NCKAP5: variants seen among roughly 807,000 people sequenced by gnomAD.
NCKAP5 encodes the protein NCK associated protein 5.
In NCKAP5, 92 loss-of-function variants were observed where a neutral mutation model predicts 167.0. The observed-to-expected ratio is 0.55, with a 90% CI of 0.47 to 0.66. NCKAP5 has a LOEUF of 0.66. Among genes scored for constraint, NCKAP5 ranks in the 30% least tolerant of loss-of-function variants. The pLI is 0.00. For synonymous variants in NCKAP5, 891 were observed against 877.4 expected (o/e 1.02, Z -0.27); for missense variants, 2,378 against 2,315.0 (o/e 1.03, Z -0.56).
At chr2:133,194,981 T>C (rs1193136877) in intron 5 of NCKAP5, among the ~76,000 whole-genome samples, 1 of 152,000 alleles carries the variant, frequency 6.6e-6, no homozygotes, top group Admixed American at 6.6e-5. Flanking sequence ...TCTAATGTAA[T>C]TACATGTCGG....
intron 8 of NCKAP5, among the ~76,000 whole-genome samples, chr2:132,953,652 CAGAG>C (rs141227824): frequency 5.5e-5 from 8 of 145,248 alleles, no homozygotes; most frequent in East Asian, 4.0e-4. Flanking sequence ...GACAGGCAGA[CAGAG>C]AGAGAGAGAG....
intron 4 of NCKAP5, among the ~76,000 whole-genome samples, chr2:133,214,018 A>G (rs2086321770): frequency 6.6e-6 from 1 of 152,232 alleles, no homozygotes; most frequent in African/African-American, 2.4e-5. Context: ...AATGGTGAGT[A>G]GATGCTTTGC....
chr2:133,388,888 C>T lies in NCKAP5; in HGVS notation c.70-85778G>A, dbSNP rs111903723. 3.4e-3 allele frequency among the ~76,000 whole-genome samples: 519 copies of T among 152,312 alleles called. 4 individuals carry two copies. The highest frequency in any genetic ancestry group is 0.025 in the East Asian group (128 of 5,176). On this transcript the variant is annotated intron_variant, in intron 3 of 19. Coordinates refer to ENST00000409261, the MANE Select transcript of NCKAP5 (RefSeq NM_207363.3). ...CTGTTTGCTAAGACCATTGGAAACA[C>T]GCAGTATTAGGGTGGGAGTGACCTG...
At chr2:133,221,403 T>G (rs2086659079) in intron 4 of NCKAP5, among the ~76,000 whole-genome samples, 1 of 152,244 alleles carries the variant, frequency 6.6e-6, no homozygotes. Context: ...TGGTTTTTAT[T>G]AATTCAGAAT....
the NCKAP5 span, among the ~76,000 whole-genome samples, chr2:133,640,776 G>T: frequency 1.3e-5 from 2 of 152,156 alleles, no homozygotes; most frequent in Non-Finnish European, 2.9e-5. Context: ...ATCTCTTAAA[G>T]AATTACTGTG....
the NCKAP5 span, among the ~76,000 whole-genome samples, chr2:133,642,462 C>A: frequency 2.0e-5 from 3 of 152,180 alleles, no homozygotes; most frequent in Non-Finnish European, 2.9e-5. Flanking sequence ...GCAGTCTCTA[C>A]CTGTTTTTCT....
chr2:133,040,096 T>C (rs1461418533), intron 6 of NCKAP5, among the ~76,000 whole-genome samples: 1 of 152,084 alleles, frequency 6.6e-6, no homozygotes, highest in African/African-American at 2.4e-5. Flanking sequence ...TAAACTCCTT[T>C]ATTCATTCAG....
rs985765943 is a variant in NCKAP5 at position 132,861,396 on chromosome 2, T to C, written c.688-785A>G. Reference sequence around the variant, plus strand: ...ACTTAAATATCTATGCCCTTTTTGATGGAATTCAAGGCAGACGCAGTAGAA... The same window carrying C: ...ACTTAAATATCTATGCCCTTTTTGACGGAATTCAAGGCAGACGCAGTAGAA... On this transcript the variant is annotated intron_variant, in intron 10 of 19. Transcript: ENST00000409261. 2.6e-5 allele frequency among the ~76,000 whole-genome samples: 4 copies of C among 152,102 alleles called. No individual in the cohort carries two copies. In the East Asian group the frequency reaches 5.8e-4, roughly 22 times the overall value.
chr2:133,550,710 C>A (rs1239460065), intron 2 of NCKAP5, among the ~76,000 whole-genome samples: 1 of 127,712 alleles, frequency 7.8e-6, no homozygotes, highest in Non-Finnish European at 1.6e-5. Context: ...CCCTCTCTCA[C>A]CACTCCTATT....
rs531455111 is a variant in NCKAP5 at position 133,295,674 on chromosome 2, G to C, written c.143+7363C>G. Among the ~76,000 whole-genome samples, 6 of 152,234 alleles carry C rather than the reference G, an allele frequency of 3.9e-5. No individual in the cohort carries two copies. In the East Asian group the frequency reaches 1.2e-3, roughly 29 times the overall value. Reference sequence around the variant, plus strand: ...GAGACATTTTTGTTGTCACAACTGAGGGATACTACTGGCAGGTGGTGTGAA... The same window carrying C: ...GAGACATTTTTGTTGTCACAACTGACGGATACTACTGGCAGGTGGTGTGAA... On this transcript the variant is annotated intron_variant, in intron 4 of 19. Transcript: ENST00000409261.
At chr2:133,398,855 G>C (rs1323071700) in intron 3 of NCKAP5, among the ~76,000 whole-genome samples, 1 of 152,112 alleles carries the variant, frequency 6.6e-6, no homozygotes, top group Admixed American at 6.6e-5. Context: ...TGAGAGGCCC[G>C]ACAGGGTTTA....
chr2:133,299,294 T>C (rs1680186858), intron 4 of NCKAP5, among the ~76,000 whole-genome samples: 1 of 152,100 alleles, frequency 6.6e-6, no homozygotes, highest in South Asian at 2.1e-4. Context: ...ATTAGAATTT[T>C]TACAGTGGCG....
At chr2:133,518,203 C>G (rs1312267872) in intron 2 of NCKAP5, among the ~76,000 whole-genome samples, 1 of 152,014 alleles carries the variant, frequency 6.6e-6, no homozygotes, top group East Asian at 1.9e-4. Flanking sequence ...TAGTTCATCC[C>G]TGAACTCCAC....
chr2:133,644,089 T>G, the NCKAP5 span, among the ~76,000 whole-genome samples: 5 of 152,200 alleles, frequency 3.3e-5, no homozygotes, highest in African/African-American at 1.2e-4. Flanking sequence ...GACAGGGCCA[T>G]GAGGCACCCA....
intron 12 of NCKAP5, among the ~76,000 whole-genome samples, chr2:132,790,413 A>C (rs576514010): frequency 2.6e-5 from 4 of 152,280 alleles, no homozygotes; most frequent in African/African-American, 9.6e-5. Flanking sequence ...CCCAGCCTAC[A>C]CTTACATTAG....
chr2:133,000,343 G>A (rs1287237744), intron 6 of NCKAP5, among the ~76,000 whole-genome samples: 1 of 152,140 alleles, frequency 6.6e-6, no homozygotes, highest in Non-Finnish European at 1.5e-5. Context: ...TGGGGTCCTT[G>A]AAGCATCCCT....
intron 4 of NCKAP5, among the ~76,000 whole-genome samples, chr2:133,225,438 T>C (rs2086840839): frequency 1.3e-5 from 2 of 152,170 alleles, no homozygotes; most frequent in South Asian, 2.1e-4. Flanking sequence ...GCTTGAGCCA[T>C]TTATCTAGGC....
At chr2:132,912,882 T>A (rs563687363) in intron 8 of NCKAP5, among the ~76,000 whole-genome samples, 1 of 152,312 alleles carries the variant, frequency 6.6e-6, no homozygotes, top group Admixed American at 6.5e-5. Context: ...TCCCTCCTCA[T>A]CTGTGCTTTG....
At chr2:133,460,006 C>A (rs2151228213) in intron 3 of NCKAP5, among the ~76,000 whole-genome samples, 1 of 152,248 alleles carries the variant, frequency 6.6e-6, no homozygotes, top group South Asian at 2.1e-4. Context: ...ATAAAACTCG[C>A]ATCAGTTCAT....
Sources: gnomAD v4.1 joint callset for allele counts (sites outside exome capture counted in the v4.1 genomes callset) on GRCh38, gnomAD v4.1.1 for gene constraint, MANE v1.5 for transcripts, NCBI Gene and HGNC (gene_info 2026-07-23, HGNC 2026-07-21) for gene names.